Variants in EXOC6 observed in about 807,000 individuals in gnomAD.
EXOC6 encodes SEC15-like 1.
In EXOC6, 60 loss-of-function variants were observed where a neutral mutation model predicts 112.5. That is an observed-to-expected ratio of 0.53 (90% confidence interval 0.43 to 0.66). EXOC6 has a LOEUF of 0.66. Among genes scored for constraint, EXOC6 ranks in the 30% least tolerant of loss-of-function variants. The pLI is 0.00. For synonymous variants in EXOC6, 295 were observed against 308.0 expected, an observed-to-expected ratio of 0.96 and a Z score of 0.44; for missense variants, 855 against 957.1, an observed-to-expected ratio of 0.89 and a Z score of 1.41.
chr10:92,975,084 C>A (rs564099919), intron 18 of EXOC6, among the ~76,000 whole-genome samples: 1 of 150,544 alleles, frequency 6.6e-6, no homozygotes, highest in Non-Finnish European at 1.5e-5. Flanking sequence ...AAGTGAGGAG[C>A]GTCTCTGCCC....
chr10:92,920,337 T>C (rs1335242811), intron 8 of EXOC6, among the ~76,000 whole-genome samples: 1 of 152,224 alleles, frequency 6.6e-6, no homozygotes, highest in African/African-American at 2.4e-5. Flanking sequence ...TACTTTTACA[T>C]GTGTATTCCA....
intron 17 of EXOC6, among the ~76,000 whole-genome samples, chr10:92,971,441 C>A (rs1842293945): frequency 6.6e-6 from 1 of 151,828 alleles, no homozygotes; most frequent in African/African-American, 2.4e-5. Flanking sequence ...GTGGCACCAT[C>A]TTGGCTCACT....
intron 21 of EXOC6, among the ~76,000 whole-genome samples, chr10:93,057,322 A>G (rs765595589): frequency 3.9e-5 from 6 of 152,090 alleles, no homozygotes; most frequent in Non-Finnish European, 8.8e-5. Context: ...GGATGTGACA[A>G]TTGGAGCTTT....
chr10:92,985,938 ATG>A (rs1471443292), intron 18 of EXOC6, among the ~76,000 whole-genome samples: 2 of 152,190 alleles, frequency 1.3e-5, no homozygotes, highest in African/African-American at 4.8e-5. Context: ...GAATACATTT[ATG>A]TGTTTTCCCT....
rs144157715 is a variant in EXOC6, at chr10:93,052,323, G to C, written c.2170-4601G>C. Among the ~76,000 whole-genome samples, 363 of 152,312 alleles carry C rather than the reference G, an allele frequency of 2.4e-3. 1 individual carries two copies. Among genetic ancestry groups the C allele is most frequent in the African/African-American group, 8.4e-3 (349 of 41,566 alleles). ...GCATGGATCGAGAATGAGTCTGTAGGATGGGAAACTGTCAGCAAGCTAAAT... is the reference window on the plus strand; with the variant it reads ...GCATGGATCGAGAATGAGTCTGTAGCATGGGAAACTGTCAGCAAGCTAAAT... On this transcript the variant is annotated intron_variant, in intron 20 of 21. Coordinates refer to ENST00000260762, the MANE Select transcript of EXOC6 (RefSeq NM_019053.6).
At chr10:92,919,905 T>C in intron 7 of EXOC6, 77 bp from the exon 8 acceptor site, 1 of 832,750 alleles carries the variant, frequency 1.2e-6, no homozygotes, top group Non-Finnish European at 1.8e-6. Context: ...TCTTCTTGCC[T>C]ATCTTTAACT....
intron 1 of EXOC6, among the ~76,000 whole-genome samples, chr10:92,853,115 A>G (rs954009087): frequency 1.3e-5 from 2 of 152,226 alleles, no homozygotes; most frequent in African/African-American, 4.8e-5. Context: ...AGCAACAATC[A>G]GAAATTGAAA....
At chr10:92,975,903 C>G (rs1362337466) in intron 18 of EXOC6, among the ~76,000 whole-genome samples, 4 of 141,180 alleles carry the variant, frequency 2.8e-5, no homozygotes, top group African/African-American at 5.3e-5. Context: ...CCAGCCGCCC[C>G]GTCCGGGAGG....
intron 1 of EXOC6, among the ~76,000 whole-genome samples, chr10:92,886,145 A>G (rs1239945356): frequency 6.6e-6 from 1 of 152,258 alleles, no homozygotes; most frequent in African/African-American, 2.4e-5. Flanking sequence ...TTAGGTAGAT[A>G]TAACTATAAA....
At position 92,980,959 on chromosome 10, in the gene EXOC6, G is replaced by A. The variant is rs887449991; in HGVS notation, c.1953+6727G>A. Among the ~76,000 whole-genome samples the A allele has an allele frequency of 4.6e-5, 7 of 152,066 alleles. No individual in the cohort carries two copies. In the East Asian group the frequency reaches 5.8e-4, roughly 13 times the overall value. On this transcript the variant is annotated intron_variant, in intron 18 of 21. Coordinates refer to ENST00000260762, the MANE Select transcript of EXOC6 (RefSeq NM_019053.6). ...GGAGAATTGCTTGAAGCTGGTAGGC[G>A]GAGGTTGCAGTGAGCCTAGATCGCG...
intron 18 of EXOC6, among the ~76,000 whole-genome samples, chr10:92,988,346 G>A (rs1365483155): frequency 6.6e-6 from 1 of 152,026 alleles, no homozygotes; most frequent in Non-Finnish European, 1.5e-5. Flanking sequence ...TATAAATATT[G>A]AAAATTCTTC....
intron 20 of EXOC6, among the ~76,000 whole-genome samples, chr10:93,016,421 A>G (rs1476315725): frequency 2.0e-5 from 3 of 152,084 alleles, no homozygotes; most frequent in East Asian, 1.9e-4. Context: ...GATTACAGGT[A>G]TAAGCCACAG....
chr10:92,966,408 G>C (rs1395992110), intron 17 of EXOC6, among the ~76,000 whole-genome samples: 159 of 145,062 alleles, frequency 1.1e-3, no homozygotes, highest in African/African-American at 3.7e-3. Flanking sequence ...TTTAGCATTA[G>C]GTATATCTCC....
intron 18 of EXOC6, among the ~76,000 whole-genome samples, chr10:92,995,476 T>C (rs1282522895): frequency 6.6e-6 from 1 of 152,234 alleles, no homozygotes; most frequent in African/African-American, 2.4e-5. Flanking sequence ...AGTGGCAGCA[T>C]GCATAGGACA....
chr10:92,940,891 C>A (rs1564847334), intron 13 of EXOC6, 67 bp downstream of exon 13: 1 of 968,772 alleles, frequency 1.0e-6, no homozygotes, highest in Non-Finnish European at 1.6e-6. Flanking sequence ...GGTTCATTTG[C>A]ATATATTAAT....
intron 1 of EXOC6, among the ~76,000 whole-genome samples, chr10:92,829,344 G>A (rs796557618): frequency 3.3e-5 from 5 of 152,188 alleles, no homozygotes; most frequent in South Asian, 2.1e-4. Context: ...CAGGCTGGAA[G>A]TCCCATTCGG....
chr10:93,014,617 A>T (rs368788770), intron 20 of EXOC6, among the ~76,000 whole-genome samples: 1 of 152,186 alleles, frequency 6.6e-6, no homozygotes, highest in African/African-American at 2.4e-5. Flanking sequence ...TGGTATTAAC[A>T]TTAATGTCAG....
At chr10:93,036,074 T>C (rs2057947388) in intron 20 of EXOC6, among the ~76,000 whole-genome samples, 1 of 151,794 alleles carries the variant, frequency 6.6e-6, no homozygotes, top group Non-Finnish European at 1.5e-5. Flanking sequence ...TACAAAACAT[T>C]AGGCATGATG....
At chr10:92,891,029 A>G (rs1161538413) in intron 1 of EXOC6, among the ~76,000 whole-genome samples, 1 of 152,212 alleles carries the variant, frequency 6.6e-6, no homozygotes, top group Admixed American at 6.5e-5. Context: ...TACGCAAGAC[A>G]TGTTGTTGGC....
Sources: allele counts gnomAD v4.1 joint callset (sites outside exome capture counted in the v4.1 genomes callset), GRCh38; gene constraint gnomAD v4.1.1; transcripts MANE v1.5; gene names NCBI Gene and HGNC (gene_info 2026-07-23, HGNC 2026-07-21).